The following ZNF99 variants were observed in gnomAD, a reference collection of about 807,000 sequenced individuals.
ZNF99 encodes zinc finger protein ENSP00000375192.
In ZNF99, 8 loss-of-function variants were observed where a neutral mutation model predicts 12.8. That is an observed-to-expected ratio of 0.62 (90% CI 0.37 to 1.13). ZNF99 has a LOEUF of 1.13. Ranked by LOEUF, ZNF99 falls within the 50% of genes most tolerant of loss-of-function variation. ZNF99 has a pLI of 0.02. For missense variants in ZNF99, 1,007 were observed against 1,006.2 expected (o/e 1.00, Z -0.01); for synonymous variants, 318 against 319.0 (o/e 1.00, Z 0.03).
At position 22,759,102 on chromosome 19, in the gene ZNF99, G is replaced by A. The variant is rs368090323; in HGVS notation, c.807C>T (p.Ser269=). 10 of 1,609,992 alleles carry A rather than the reference G, an allele frequency of 6.2e-6. No homozygotes were observed. The African/African-American group carries it at 1.3e-4, about 22-fold the overall frequency. The part of the protein sequence containing the change: ...CEECGKVFNN[S]STLMKHKIIH... ...TTATCTTATGTTTCATAAGGGTTGA[G>A]GAATTGTTAAAAACTTTGCCACATT... is the stretch of plus-strand genomic sequence containing the variant. The change falls in exon 4 of 4, where the codon TCC becomes TCT. Residue 269 remains serine (S), a synonymous_variant. Coordinates refer to ENST00000596209, the MANE Select transcript of ZNF99 (RefSeq NM_001080409.3).
intron 1 of ZNF99, 28 bp downstream of exon 1, chr19:22,783,986 C>G: frequency 6.2e-7 from 1 of 1,613,848 alleles, no homozygotes; most frequent in South Asian, 1.1e-5. Flanking sequence ...CCTTCCCCTT[C>G]TCAGGATATC....
intron 1 of ZNF99, among the ~76,000 whole-genome samples, chr19:22,781,369 C>G (rs964016404): frequency 1.5e-5 from 2 of 136,158 alleles, no homozygotes; most frequent in African/African-American, 5.5e-5. Context: ...CAGGTAAGAA[C>G]TTTTCAAGTT....
chr19:22,771,246 C>CTTTTTTTTTTTTT (rs74174102), intron 1 of ZNF99: 2 of 68,206 alleles, frequency 2.9e-5, no homozygotes, highest in African/African-American at 1.4e-4. Context: ...AAAGCATTTT[C>CTTTTTTTTTTTTT]TTTTTTTTTT....
In ZNF99 at chr19:22,758,041, C is replaced by T. The variant is rs778704063; in HGVS notation, c.1868G>A (p.Cys623Tyr). ...GCTAAAAGCTTTGCCACATTCTTCA[C>T]ATTTGTAGGGTTTCTTTCCAGTATG... ...IIHTGKKPYKCEECGKAFSQS... is the reference protein window; with the variant it reads ...IIHTGKKPYKYEECGKAFSQS... The change falls in exon 4 of 4, where the codon TGT becomes TAT. Residue 623 changes from cysteine to tyrosine, a missense_variant. By Grantham distance (194) the Cys-to-Tyr change is radical. Coordinates refer to ENST00000596209, the MANE Select transcript of ZNF99 (RefSeq NM_001080409.3). 35 of 1,610,022 alleles carry T rather than the reference C, an allele frequency of 2.2e-5. No individual in the cohort carries two copies. Among genetic ancestry groups the T allele is most frequent in the Non-Finnish European group, 2.9e-5 (34 of 1,177,370 alleles).
rs375888455 is a variant in ZNF99, at chr19:22,768,280, G to T, written c.226+25C>A. 2,118 of 1,612,148 alleles carry T rather than the reference G, an allele frequency of 1.3e-3. 2 individuals are homozygous for T. The highest frequency in any genetic ancestry group is 1.6e-3 in the Non-Finnish European group (1,898 of 1,178,442). On this transcript the variant is annotated intron_variant, in intron 3 of 3. Coordinates refer to ENST00000596209, the MANE Select transcript of ZNF99 (RefSeq NM_001080409.3). The stretch of plus-strand genomic sequence containing the variant: ...GACCTCTGGACCTCTTATTTGTGTT[G>T]TTTCTTGTATTCACTCTCACATACC...
At chr19:22,781,132 G>A (rs769267683) in intron 1 of ZNF99, among the ~76,000 whole-genome samples, 1 of 151,942 alleles carries the variant, frequency 6.6e-6, no homozygotes, top group Non-Finnish European at 1.5e-5. Context: ...TTTGCCCTTG[G>A]TTAAGTATTT....
In ZNF99 at chr19:22,757,153, A is replaced by G. The variant is rs1599439587; in HGVS notation, c.*161T>C. 6.2e-7 allele frequency: 1 copy of G among 1,612,466 alleles called. No individual in the cohort carries two copies. Among genetic ancestry groups the G allele is most frequent in the East Asian group, 2.2e-5 (1 of 44,738 alleles). On this transcript the variant is annotated 3_prime_UTR_variant, in exon 4 of 4. Transcript: ENST00000596209. ...GCTTCTCCCCAGTATGAACTGCTTT[A>G]TGTCTAGTAAGGTGTGAGGACTGCT...
Position 22,776,663 on chromosome 19 carries a change from G to A in ZNF99, c.4-7339C>T, listed in dbSNP as rs932292936. ...CAACCATTGTGAAAAGCAGTGTGGCGATTCCTCACAGAACTAAAAGCAGAA... is the reference window on the plus strand; with the variant it reads ...CAACCATTGTGAAAAGCAGTGTGGCAATTCCTCACAGAACTAAAAGCAGAA... On this transcript the variant is annotated intron_variant, in intron 1 of 3. Coordinates refer to ENST00000596209, the MANE Select transcript of ZNF99 (RefSeq NM_001080409.3). 1.1e-4 allele frequency among the ~76,000 whole-genome samples: 17 copies of A among 151,994 alleles called. No homozygotes were observed. In the East Asian group the frequency reaches 1.6e-3, roughly 14 times the overall value.
chr19:22,777,038 G>A (rs1802341918), intron 1 of ZNF99, among the ~76,000 whole-genome samples: 1 of 152,136 alleles, frequency 6.6e-6, no homozygotes, highest in African/African-American at 2.4e-5. Flanking sequence ...TGTAGTCCCA[G>A]CTAGTTAGGG....
intron 3 of ZNF99, among the ~76,000 whole-genome samples, chr19:22,767,461 T>C (rs1599445297): frequency 6.6e-6 from 1 of 152,084 alleles, no homozygotes; most frequent in East Asian, 1.9e-4. Context: ...TTGGGTGAGG[T>C]AGTCGTAATT....
chr19:22,759,478 A>G lies in ZNF99; in HGVS notation c.431T>C (p.Ile144Thr). Residue 144 changes from isoleucine (I) to threonine (T), a missense_variant, in exon 4 of 4, where the codon ATA becomes ACA. Physicochemically the swap from Ile to Thr is moderately conservative, Grantham distance 89. Transcript: ENST00000596209. The part of the protein sequence containing the change: ...NQCWTTTQGK[I>T]FQCNKYVKVF... ...TTTCACATATTTGTTACACTGAAAT[A>G]TTTTTCCCTGGGTAGTTGTCCAACA... is the stretch of plus-strand genomic sequence containing the variant. 1.9e-6 allele frequency: 3 copies of G among 1,606,748 alleles called. No individual in the cohort carries two copies. Among genetic ancestry groups the G allele is most frequent in the Non-Finnish European group, 2.5e-6 (3 of 1,177,344 alleles).
chr19:22,777,169 A>G (rs557843662), intron 1 of ZNF99, among the ~76,000 whole-genome samples: 1 of 152,288 alleles, frequency 6.6e-6, no homozygotes, highest in East Asian at 1.9e-4. Context: ...TAAAGTATTT[A>G]GCAAAAACAA....
intron 3 of ZNF99, among the ~76,000 whole-genome samples, chr19:22,761,076 GCAACATGGC>G (rs1484798128): frequency 6.6e-6 from 1 of 151,440 alleles, no homozygotes; most frequent in Non-Finnish European, 1.5e-5. Flanking sequence ...GAATACTAGG[GCAACATGGC>G]CCAATCAAAA....
chr19:22,771,838 C>G, intron 1 of ZNF99, among the ~76,000 whole-genome samples: 1 of 144,136 alleles, frequency 6.9e-6, no homozygotes, highest in Non-Finnish European at 1.5e-5. Context: ...CTGCCTCAGC[C>G]TCCTGAGTAG....
Position 22,752,724 on chromosome 19 carries a change from G to GT in ZNF99, c.*4589dup, listed in dbSNP as rs1354700493. 1 of 152,000 alleles carries GT rather than the reference G, an allele frequency of 6.6e-6. No homozygotes were observed. Among genetic ancestry groups the GT allele is most frequent in the Non-Finnish European group, 1.5e-5 (1 of 67,956 alleles). The allele number at this position is 152,000 out of a possible 1,614,324, so 9.4% of individuals were successfully genotyped here. On this transcript the variant is annotated 3_prime_UTR_variant, in exon 4 of 4. Transcript: ENST00000596209. ...CAACAGACTTAACATGTCAAAAAAT[G>GT]TTTAAAAAATTAAGTTTACATATAA...
chr19:22,779,062 T>A (rs1055562809), intron 1 of ZNF99, among the ~76,000 whole-genome samples: 10 of 151,574 alleles, frequency 6.6e-5, no homozygotes, highest in South Asian at 2.1e-4. Flanking sequence ...TAGATAATCC[T>A]GGTAAATAGC....
chr19:22,758,268 G>C lies in ZNF99; in HGVS notation c.1641C>G (p.Asn547Lys), dbSNP rs1228985394. The change falls in exon 4 of 4, where the codon AAC becomes AAG. Residue 547 changes from asparagine to lysine, a missense_variant. By Grantham distance (94) the Asn-to-Lys change is moderately conservative. Transcript: ENST00000596209. The part of the protein sequence containing the change: ...YKCEECGKAF[N>K]NSSTLMKHKI... ...TATGTTTCATAAGGGTTGAGGAATT[G>C]TTAAAAGCTTTGCCACATTCTTCAC... is the stretch of plus-strand genomic sequence containing the variant. The C allele has an allele frequency of 6.3e-7, 1 of 1,599,790 alleles. No individual in the cohort carries two copies. The highest frequency in any genetic ancestry group is 1.1e-5 in the South Asian group (1 of 90,176).
At chr19:22,782,208 TG>T (rs1395107984) in intron 1 of ZNF99, among the ~76,000 whole-genome samples, 1 of 152,090 alleles carries the variant, frequency 6.6e-6, no homozygotes, top group Non-Finnish European at 1.5e-5. Context: ...CTGCAGGAAT[TG>T]GGGTTTGGGA....
At position 22,755,467 on chromosome 19, in the gene ZNF99, CTAATT is replaced by C. The variant is rs1973038283; in HGVS notation, c.*1842_*1846del. ...CTCTTCACATGAGGCGGGTTTCTCT[CTAATT>C]TATCTTATATTCAGTAAGATCTGAG... On this transcript the variant is annotated 3_prime_UTR_variant, in exon 4 of 4. Transcript: ENST00000596209. 3 of 279,958 alleles carry C rather than the reference CTAATT, an allele frequency of 1.1e-5. No individual in the cohort carries two copies. The highest frequency in any genetic ancestry group is 6.4e-4 in the Middle Eastern group (1 of 1,552). 17.3% of individuals were successfully genotyped at this position (279,958 alleles called of 1,614,324 possible).
Sources: gnomAD v4.1 joint callset for allele counts (sites outside exome capture counted in the v4.1 genomes callset) on GRCh38, gnomAD v4.1.1 for gene constraint, MANE v1.5 for transcripts, NCBI Gene and HGNC (gene_info 2026-07-23, HGNC 2026-07-21) for gene names.